The following CADPS2 variants were observed in gnomAD, a reference collection of about 807,000 sequenced individuals.
CADPS2 encodes the protein calcium dependent secretion activator 2.
CADPS2 carries 93 observed loss-of-function variants against 172.5 expected under a neutral mutation model. The ratio of observed to expected loss-of-function variants is 0.54; its 90% CI spans 0.46 to 0.64. The LOEUF is 0.64. CADPS2 is among the 30% of genes least tolerant of loss of function. The pLI is 0.00. For missense variants in CADPS2, 1,420 were observed against 1,565.9 expected (o/e 0.91, Z 1.57); for synonymous variants, 546 against 555.2 (o/e 0.98, Z 0.23).
chr7:122,615,069 A>T (rs980714870), intron 6 of CADPS2, 112 bp downstream of exon 6: 84 of 513,876 alleles, frequency 1.6e-4, no homozygotes, highest in Non-Finnish European at 2.5e-4. Context: ...TTAGCCAAAT[A>T]GCAGTTTTAG....
intron 11 of CADPS2, among the ~76,000 whole-genome samples, chr7:122,485,765 T>G (rs111518246): frequency 1.8e-4 from 27 of 152,218 alleles, no homozygotes; most frequent in African/African-American, 6.3e-4. Context: ...TCCAGGACTT[T>G]CGCAGTTAGA....
chr7:122,412,492 A>C (rs1384940931), intron 19 of CADPS2, among the ~76,000 whole-genome samples: 1 of 152,224 alleles, frequency 6.6e-6, no homozygotes, highest in Non-Finnish European at 1.5e-5. Context: ...GCACATATGC[A>C]CAAATACGTG....
At chr7:122,557,535 A>G (rs992694615) in intron 7 of CADPS2, among the ~76,000 whole-genome samples, 4 of 152,054 alleles carry the variant, frequency 2.6e-5, no homozygotes, top group African/African-American at 4.8e-5. Context: ...CCTGAGGCAG[A>G]ATGGGGAGGG....
chr7:122,656,779 T>A (rs2079847458), intron 3 of CADPS2, among the ~76,000 whole-genome samples: 1 of 151,990 alleles, frequency 6.6e-6, no homozygotes, highest in Admixed American at 6.6e-5. Flanking sequence ...AAGCTGAAGT[T>A]TCTCTTTTGC....
chr7:122,681,921 T>TG (rs1429901930), intron 2 of CADPS2, among the ~76,000 whole-genome samples: 3 of 152,110 alleles, frequency 2.0e-5, no homozygotes, highest in East Asian at 3.9e-4. Flanking sequence ...AAGCTTTTTT[T>TG]TTTGTTTGCT....
At chr7:122,356,297 A>G (rs983716664) in intron 27 of CADPS2, among the ~76,000 whole-genome samples, 4 of 151,976 alleles carry the variant, frequency 2.6e-5, no homozygotes, top group African/African-American at 9.7e-5. Flanking sequence ...ACCTATTGAG[A>G]TATGTCTGAT....
At chr7:122,577,002 C>T (rs1395224763) in intron 7 of CADPS2, among the ~76,000 whole-genome samples, 1 of 151,998 alleles carries the variant, frequency 6.6e-6, no homozygotes, top group Non-Finnish European at 1.5e-5. Flanking sequence ...CTCAGGTGAT[C>T]CCCCTGCCTC....
At chr7:122,494,870 C>T (rs1198366717) in intron 9 of CADPS2, among the ~76,000 whole-genome samples, 2 of 150,972 alleles carry the variant, frequency 1.3e-5, no homozygotes, top group East Asian at 1.9e-4. Flanking sequence ...AAGTCAGTTG[C>T]TCCCATAAGG....
chr7:122,589,006 G>T (rs1261405878), intron 6 of CADPS2, among the ~76,000 whole-genome samples: 1 of 151,964 alleles, frequency 6.6e-6, no homozygotes, highest in Non-Finnish European at 1.5e-5. Context: ...CTGACTGAAA[G>T]CATACAATGT....
rs530037531 is a variant in CADPS2, at chr7:122,702,577, C to T, written c.453+34378G>A. The T allele has an allele frequency of 1.4e-5, 22 of 1,613,626 alleles. 1 individual carries two copies. In the Admixed American group the frequency reaches 1.8e-4, roughly 13 times the overall value. On this transcript the variant is annotated intron_variant, in intron 2 of 29. Coordinates refer to ENST00000449022, the MANE Select transcript of CADPS2 (RefSeq NM_017954.11). ...GAGAATGATTCCCGAACACTCCACT[C>T]TCTCCTAATTCCGATGTGATCTCAT...
chr7:122,838,010 T>C (rs994584778), intron 1 of CADPS2, among the ~76,000 whole-genome samples: 4 of 152,296 alleles, frequency 2.6e-5, no homozygotes, highest in Admixed American at 2.0e-4. Flanking sequence ...GCCTGATGAA[T>C]ATTGATGCAA....
intron 11 of CADPS2, among the ~76,000 whole-genome samples, chr7:122,483,066 C>T (rs547114946): frequency 2.0e-4 from 31 of 152,290 alleles, no homozygotes; most frequent in South Asian, 4.1e-4. Flanking sequence ...GGGGAAAATG[C>T]ATCCTGGACT....
chr7:122,673,410 C>T (rs2082070626), intron 2 of CADPS2, among the ~76,000 whole-genome samples: 1 of 152,312 alleles, frequency 6.6e-6, no homozygotes, highest in African/African-American at 2.4e-5. Flanking sequence ...CTGATTGGTA[C>T]ATTTACAATC....
chr7:122,681,854 T>C (rs1344109776), intron 2 of CADPS2, among the ~76,000 whole-genome samples: 1 of 151,920 alleles, frequency 6.6e-6, no homozygotes, highest in Non-Finnish European at 1.5e-5. Flanking sequence ...ACATCCTGTT[T>C]TAAGAACTGA....
intron 1 of CADPS2, among the ~76,000 whole-genome samples, chr7:122,817,104 A>G (rs954006798): frequency 6.6e-6 from 1 of 152,026 alleles, no homozygotes; most frequent in Admixed American, 6.6e-5. Flanking sequence ...GCCCGCCTGC[A>G]CCCAGGTGAA....
At chr7:122,800,432 T>C (rs745501266) in intron 1 of CADPS2, among the ~76,000 whole-genome samples, 2 of 152,166 alleles carry the variant, frequency 1.3e-5, no homozygotes, top group Non-Finnish European at 2.9e-5. Context: ...TTACAAAAAC[T>C]GATCAAGTTC....
intron 24 of CADPS2, among the ~76,000 whole-genome samples, chr7:122,381,141 G>A (rs993110791): frequency 7.2e-5 from 11 of 152,008 alleles, no homozygotes; most frequent in Admixed American, 5.2e-4. Flanking sequence ...TTACAAAAAA[G>A]GCCCCCCAGC....
intron 1 of CADPS2, among the ~76,000 whole-genome samples, chr7:122,828,117 A>G (rs946785667): frequency 4.6e-5 from 7 of 152,002 alleles, no homozygotes; most frequent in Admixed American, 3.3e-4. Flanking sequence ...TAGGATCATC[A>G]TGTCTCTGTG....
chr7:122,469,485 T>C (rs2055612781), intron 14 of CADPS2, among the ~76,000 whole-genome samples: 2 of 152,084 alleles, frequency 1.3e-5, no homozygotes, highest in African/African-American at 4.8e-5. Context: ...TATCAACAGT[T>C]AGCCACCCTG....
Sources: gnomAD v4.1 joint callset for allele counts (sites outside exome capture counted in the v4.1 genomes callset) on GRCh38, gnomAD v4.1.1 for gene constraint, MANE v1.5 for transcripts, NCBI Gene and HGNC (gene_info 2026-07-23, HGNC 2026-07-21) for gene names.